IGFBP7: variants seen among roughly 807,000 people sequenced by gnomAD.
IGFBP7 encodes insulin like growth factor binding protein 7.
Under a neutral mutation model 29.4 loss-of-function variants are expected in IGFBP7, and 31 were observed. That is an observed-to-expected ratio of 1.05 (90% CI 0.79 to 1.42). The LOEUF is 1.42. Ranked by LOEUF, IGFBP7 falls within the 40% of genes most tolerant of loss-of-function variation. The probability of loss-of-function intolerance (pLI) is 0.00; values close to 1 mark genes in which losing one functional copy is unlikely to be tolerated. For synonymous variants in IGFBP7, 172 were observed against 174.9 expected (o/e 0.98, Z 0.13); for missense variants, 393 against 395.5 (o/e 0.99, Z 0.05).
chr4:57,062,802 C>T (rs968896928), intron 1 of IGFBP7, among the ~76,000 whole-genome samples: 4 of 152,178 alleles, frequency 2.6e-5, no homozygotes, highest in Non-Finnish European at 4.4e-5. Context: ...GTAAACACTC[C>T]TGGGTAGAGT....
intron 1 of IGFBP7, among the ~76,000 whole-genome samples, chr4:57,071,394 T>A (rs1725050903): frequency 6.6e-6 from 1 of 152,226 alleles, no homozygotes; most frequent in African/African-American, 2.4e-5. Context: ...GGCTTTTACA[T>A]CTGATGTGTC....
At chr4:57,096,763 C>T (rs1259898463) in intron 1 of IGFBP7, among the ~76,000 whole-genome samples, 1 of 152,188 alleles carries the variant, frequency 6.6e-6, no homozygotes, top group Non-Finnish European at 1.5e-5. Context: ...ACATTATCAC[C>T]TCTCAGACAG....
chr4:57,073,530 G>A (rs373582232), intron 1 of IGFBP7, among the ~76,000 whole-genome samples: 15 of 152,048 alleles, frequency 9.9e-5, no homozygotes, highest in African/African-American at 3.6e-4. Flanking sequence ...GAGAAGTTGA[G>A]GTTGAAATAA....
At chr4:57,047,608 T>C (rs899637612) in intron 1 of IGFBP7, among the ~76,000 whole-genome samples, 2 of 152,206 alleles carry the variant, frequency 1.3e-5, no homozygotes, top group African/African-American at 4.8e-5. Flanking sequence ...CTCCATAAGT[T>C]TATGCAAATA....
intron 1 of IGFBP7, among the ~76,000 whole-genome samples, chr4:57,059,836 G>C (rs1338933984): frequency 1.3e-5 from 2 of 152,116 alleles, no homozygotes; most frequent in Non-Finnish European, 2.9e-5. Flanking sequence ...CCTATATCTA[G>C]AGCACTAACT....
At chr4:57,082,284 C>T (rs143187821) in intron 1 of IGFBP7, among the ~76,000 whole-genome samples, 3 of 152,118 alleles carry the variant, frequency 2.0e-5, no homozygotes, top group African/African-American at 7.2e-5. Flanking sequence ...TGAGAGAAGG[C>T]TGAGTTTACA....
chr4:57,097,479 G>A (rs1160890885), intron 1 of IGFBP7, among the ~76,000 whole-genome samples: 1 of 152,160 alleles, frequency 6.6e-6, no homozygotes, highest in Non-Finnish European at 1.5e-5. Context: ...TCTAACCTGG[G>A]AACACATGAG....
chr4:57,077,233 A>G (rs1441421694), intron 1 of IGFBP7, among the ~76,000 whole-genome samples: 1 of 152,208 alleles, frequency 6.6e-6, no homozygotes, highest in Admixed American at 6.5e-5. Context: ...CACAGAACGC[A>G]TCCAAACAGT....
intron 1 of IGFBP7, among the ~76,000 whole-genome samples, chr4:57,046,929 G>C (rs1271816673): frequency 6.6e-6 from 1 of 152,142 alleles, no homozygotes; most frequent in Non-Finnish European, 1.5e-5. Flanking sequence ...AATCTCTTTA[G>C]ATCCTTCTCA....
At chr4:57,064,650 C>T (rs1236412464) in intron 1 of IGFBP7, among the ~76,000 whole-genome samples, 1 of 152,114 alleles carries the variant, frequency 6.6e-6, no homozygotes, top group African/African-American at 2.4e-5. Context: ...TAAATAAATC[C>T]TTCCCTACTA....
intron 1 of IGFBP7, among the ~76,000 whole-genome samples, chr4:57,055,623 G>A (rs11573094): frequency 1.5e-4 from 21 of 137,966 alleles, no homozygotes; most frequent in Non-Finnish European, 2.7e-4. Flanking sequence ...CTTCAATCAC[G>A]CGGGGGTGGA....
chr4:57,104,658 T>C (rs528138775), intron 1 of IGFBP7, among the ~76,000 whole-genome samples: 7 of 152,258 alleles, frequency 4.6e-5, no homozygotes, highest in African/African-American at 1.7e-4. Context: ...TACCTGAAAA[T>C]CAAAATCTAT....
intron 1 of IGFBP7, among the ~76,000 whole-genome samples, chr4:57,093,361 G>A (rs1310470768): frequency 2.6e-5 from 4 of 152,094 alleles, no homozygotes; most frequent in African/African-American, 9.7e-5. Context: ...TTAGCTGGGT[G>A]TGGTGGTAGG....
At chr4:57,073,605 AAT>A (rs1453718375) in intron 1 of IGFBP7, among the ~76,000 whole-genome samples, 1 of 132,418 alleles carries the variant, frequency 7.6e-6, no homozygotes, top group African/African-American at 2.8e-5. Flanking sequence ...AAAAAAAAAA[AAT>A]TAAATAAATA....
intron 1 of IGFBP7, among the ~76,000 whole-genome samples, chr4:57,097,751 T>C (rs941697543): frequency 1.3e-5 from 2 of 152,156 alleles, no homozygotes; most frequent in Non-Finnish European, 1.5e-5. Flanking sequence ...GTCACACAAA[T>C]AGTTAAGTGG....
intron 1 of IGFBP7, among the ~76,000 whole-genome samples, chr4:57,063,183 C>A (rs960269011): frequency 3.3e-5 from 5 of 151,854 alleles, no homozygotes; most frequent in Non-Finnish European, 5.9e-5. Flanking sequence ...TCCTGTATGT[C>A]TCAGATTAGT....
rs1008259380 is a variant in IGFBP7 at position 57,066,096 on chromosome 4, C to T, written c.476-25163G>A. Among the ~76,000 whole-genome samples the T allele has an allele frequency of 5.3e-5, 8 of 152,356 alleles. No individual in the cohort carries two copies. In the South Asian group the frequency reaches 1.7e-3, roughly 32 times the overall value. ...TGGCATGGGTCTTCCATCCCTTTAT[C>T]AAATCCACCCCCCACTTTTTAGGTG... On this transcript the variant is annotated intron_variant, in intron 1 of 4. Transcript: ENST00000295666.
intron 1 of IGFBP7, among the ~76,000 whole-genome samples, chr4:57,100,744 T>G (rs1368393898): frequency 2.0e-5 from 3 of 152,244 alleles, no homozygotes; most frequent in Non-Finnish European, 4.4e-5. Context: ...AAACTTCTTA[T>G]TTTGAAATAA....
intron 1 of IGFBP7, among the ~76,000 whole-genome samples, chr4:57,108,498 G>C (rs1726089644): frequency 6.6e-6 from 1 of 151,832 alleles, no homozygotes; most frequent in African/African-American, 2.4e-5. Flanking sequence ...TTCTATGTGT[G>C]TGTGTATGTG....
Sources: gnomAD v4.1 joint callset for allele counts (sites outside exome capture counted in the v4.1 genomes callset) on GRCh38, gnomAD v4.1.1 for gene constraint, MANE v1.5 for transcripts, NCBI Gene and HGNC (gene_info 2026-07-23, HGNC 2026-07-21) for gene names.